HIVEP1: variants seen among roughly 807,000 people sequenced by gnomAD.
HIVEP1 encodes the protein zinc finger protein 40.
Under a neutral mutation model 180.0 loss-of-function variants are expected in HIVEP1, and 36 were observed. That is an observed-to-expected ratio of 0.20 (90% CI 0.15 to 0.26). The LOEUF (loss-of-function observed/expected upper bound fraction) is 0.26. Among genes scored for constraint, HIVEP1 ranks in the 10% least tolerant of loss-of-function variants. The pLI is 1.00. For missense variants in HIVEP1, 3,143 were observed against 3,268.7 expected, an observed-to-expected ratio of 0.96 and a Z score of 0.94; for synonymous variants, 1,239 against 1,239.0, an observed-to-expected ratio of 1.00 and a Z score of 0.00.
At chr6:12,156,503 A>G (rs1562008973) in intron 7 of HIVEP1, among the ~76,000 whole-genome samples, 7 of 152,008 alleles carry the variant, frequency 4.6e-5, no homozygotes, top group Non-Finnish European at 1.0e-4. Flanking sequence ...CTTTCCCCCC[A>G]TCACTTCTTT....
intron 2 of HIVEP1, among the ~76,000 whole-genome samples, chr6:12,079,232 C>G: frequency 6.6e-6 from 1 of 152,246 alleles, no homozygotes; most frequent in Non-Finnish European, 1.5e-5. Flanking sequence ...TATCAATTTT[C>G]AACATCTTTA....
chr6:12,211,576 A>C, the HIVEP1 span, among the ~76,000 whole-genome samples: 1 of 151,816 alleles, frequency 6.6e-6, no homozygotes, highest in Admixed American at 6.6e-5. Flanking sequence ...ATTCATACAT[A>C]CATCCATGTG....
intron 3 of HIVEP1, among the ~76,000 whole-genome samples, chr6:12,106,725 T>G (rs1451476034): frequency 2.6e-5 from 4 of 152,214 alleles, no homozygotes; most frequent in Non-Finnish European, 5.9e-5. Flanking sequence ...ATTGTGTTAG[T>G]TGAATAGTCT....
chr6:12,165,717 T>C (rs1259048180), downstream of HIVEP1, among the ~76,000 whole-genome samples: 2 of 152,230 alleles, frequency 1.3e-5, no homozygotes, highest in Non-Finnish European at 2.9e-5. Flanking sequence ...ATTAAGTCAA[T>C]GTATTCACAT....
the HIVEP1 span, among the ~76,000 whole-genome samples, chr6:12,191,500 G>A: frequency 1.3e-5 from 2 of 152,122 alleles, no homozygotes; most frequent in African/African-American, 4.8e-5. Context: ...AGGCTGAGGT[G>A]GGAGGATTGC....
intron 2 of HIVEP1, among the ~76,000 whole-genome samples, chr6:12,078,944 G>A (rs548025948): frequency 5.9e-5 from 9 of 152,178 alleles, no homozygotes; most frequent in South Asian, 4.1e-4. Flanking sequence ...GTGTGCGTGC[G>A]TGTATGCGTG....
chr6:12,109,842 C>T (rs906170562), intron 3 of HIVEP1, among the ~76,000 whole-genome samples: 6 of 152,186 alleles, frequency 3.9e-5, no homozygotes, highest in Non-Finnish European at 7.3e-5. Flanking sequence ...TTTGCTTTGC[C>T]CAGCTCCATC....
chr6:12,152,431 G>T (rs1759762072), intron 7 of HIVEP1, among the ~76,000 whole-genome samples: 1 of 151,798 alleles, frequency 6.6e-6, no homozygotes, highest in Non-Finnish European at 1.5e-5. Context: ...AGGTTAAGGG[G>T]GACAGGGAAG....
At chr6:12,107,425 ACT>A (rs1774503420) in intron 3 of HIVEP1, among the ~76,000 whole-genome samples, 1 of 152,162 alleles carries the variant, frequency 6.6e-6, no homozygotes. Flanking sequence ...ATTGCTGCTG[ACT>A]GATCAGGGTA....
intron 7 of HIVEP1, among the ~76,000 whole-genome samples, chr6:12,152,770 A>C (rs1759784404): frequency 6.6e-6 from 1 of 152,176 alleles, no homozygotes; most frequent in Admixed American, 6.5e-5. Flanking sequence ...CATCCTCTCC[A>C]AGCTACAGGC....
intron 2 of HIVEP1, among the ~76,000 whole-genome samples, chr6:12,036,435 C>T (rs929884807): frequency 2.0e-5 from 3 of 152,212 alleles, no homozygotes; most frequent in Non-Finnish European, 4.4e-5. Context: ...GTGACAGCAA[C>T]ATGAGAATTT....
At chr6:12,114,153 T>C (rs1775078285) in intron 3 of HIVEP1, among the ~76,000 whole-genome samples, 1 of 152,162 alleles carries the variant, frequency 6.6e-6, no homozygotes, top group Non-Finnish European at 1.5e-5. Context: ...GGAGAGCGCC[T>C]GTATTTGCGG....
chr6:12,014,766 T>C (rs1767626416), intron 1 of HIVEP1, among the ~76,000 whole-genome samples: 1 of 152,250 alleles, frequency 6.6e-6, no homozygotes, highest in Non-Finnish European at 1.5e-5. Flanking sequence ...TTAAAATCTG[T>C]AAGTCAGGAC....
the HIVEP1 span, among the ~76,000 whole-genome samples, chr6:12,173,964 T>A: frequency 6.6e-6 from 1 of 152,192 alleles, no homozygotes; most frequent in Non-Finnish European, 1.5e-5. Context: ...GGTCAAATGT[T>A]AAGAACAGTT....
At chr6:12,061,311 C>T (rs1439364736) in intron 2 of HIVEP1, among the ~76,000 whole-genome samples, 2 of 152,222 alleles carry the variant, frequency 1.3e-5, no homozygotes, top group African/African-American at 4.8e-5. Flanking sequence ...AAGAGACTAA[C>T]TTCAATTGGC....
chr6:12,049,331 CCT>C (rs1233293157), intron 2 of HIVEP1, among the ~76,000 whole-genome samples: 2 of 152,322 alleles, frequency 1.3e-5, no homozygotes, highest in Admixed American at 6.5e-5. Flanking sequence ...CCTCTCTCTT[CCT>C]CTCTCTAAGA....
intron 2 of HIVEP1, among the ~76,000 whole-genome samples, chr6:12,054,246 A>G (rs1283590214): frequency 1.3e-5 from 2 of 152,246 alleles, no homozygotes; most frequent in African/African-American, 4.8e-5. Context: ...TGTGGAAACT[A>G]TGGTATGAAA....
At chr6:12,162,048 G>C in intron 8 of HIVEP1, 119 bp downstream of exon 8, 1 of 895,736 alleles carries the variant, frequency 1.1e-6, no homozygotes, top group Non-Finnish European at 1.7e-6. Context: ...AAATCAGTTT[G>C]TATAGCTTTA....
intron 2 of HIVEP1, among the ~76,000 whole-genome samples, chr6:12,062,418 T>C (rs1771298192): frequency 1.3e-5 from 2 of 152,292 alleles, no homozygotes; most frequent in Admixed American, 1.3e-4. Flanking sequence ...TATGAGTTAT[T>C]AGATACAGAT....
Sources: allele counts gnomAD v4.1 joint callset (sites outside exome capture counted in the v4.1 genomes callset), GRCh38; gene constraint gnomAD v4.1.1; transcripts MANE v1.5; gene names NCBI Gene and HGNC (gene_info 2026-07-23, HGNC 2026-07-21).